The following THSD7A variants were observed in gnomAD, a reference collection of about 807,000 sequenced individuals.
THSD7A encodes the protein thrombospondin type 1 domain containing 7A.
Under a neutral mutation model 231.3 loss-of-function variants are expected in THSD7A, and 96 were observed. The observed-to-expected ratio is 0.41, with a 90% CI of 0.35 to 0.49. The LOEUF is 0.49. THSD7A is among the 20% of genes least tolerant of loss of function. The probability of loss-of-function intolerance (pLI) is 0.05; values close to 1 mark genes in which losing one functional copy is unlikely to be tolerated. For synonymous variants in THSD7A, 940 were observed against 743.3 expected, an observed-to-expected ratio of 1.26 and a Z score of -4.30; for missense variants, 2,290 against 2,070.2, an observed-to-expected ratio of 1.11 and a Z score of -2.06.
intron 6 of THSD7A, among the ~76,000 whole-genome samples, chr7:11,540,973 C>T (rs556276818): frequency 3.9e-4 from 60 of 152,158 alleles, no homozygotes; most frequent in African/African-American, 6.7e-4. Flanking sequence ...CACTAAGACA[C>T]GATATCAGGG....
chr7:11,831,927 C>G lies in THSD7A; in HGVS notation c.20G>C (p.Arg7Pro). 8.1e-7 allele frequency: 1 copy of G among 1,235,408 alleles called. No homozygotes were observed. Among genetic ancestry groups the G allele is most frequent in the South Asian group, 4.0e-5 (1 of 24,692 alleles). The allele number at this position is 1,235,408 out of a possible 1,614,324, so 76.5% of individuals were successfully genotyped here. ...AGCGCCCCGGCTCCCGGACGCCCAGCGCCTGGCTTGCAGCCCCATGCCGCC... is the reference window on the plus strand; with the variant it reads ...AGCGCCCCGGCTCCCGGACGCCCAGGGCCTGGCTTGCAGCCCCATGCCGCC... MGLQAR[R>P]WASGSRGAAG... The change falls in exon 1 of 28, where the codon CGC (arginine) becomes CCC (proline). Residue 7 changes from arginine (R) to proline (P), a missense_variant. Physicochemically the swap from Arg to Pro is moderately radical, Grantham distance 103. Coordinates refer to ENST00000423059, the MANE Select transcript of THSD7A (RefSeq NM_015204.3). The surrounding 1 kb of genome is among the most constrained non-coding windows in gnomAD (Gnocchi z 5.0).
chr7:11,682,105 A>C (rs530774149), intron 1 of THSD7A, among the ~76,000 whole-genome samples: 1 of 152,216 alleles, frequency 6.6e-6, no homozygotes, highest in Non-Finnish European at 1.5e-5. Flanking sequence ...TGCTTAAGGG[A>C]GTTCTAAACA....
At chr7:11,453,354 T>C (rs1785203875) in intron 11 of THSD7A, among the ~76,000 whole-genome samples, 1 of 151,372 alleles carries the variant, frequency 6.6e-6, no homozygotes, top group Admixed American at 6.6e-5. Flanking sequence ...ACTCTCCTTT[T>C]GTAATCTTTT....
At position 11,373,379 on chromosome 7, in the gene THSD7A, CAA is replaced by C. The variant is rs890015510; in HGVS notation, c.*2413_*2414del. On this transcript the variant is annotated 3_prime_UTR_variant, in exon 28 of 28. Coordinates refer to ENST00000423059, the MANE Select transcript of THSD7A (RefSeq NM_015204.3). Reference sequence around the variant, plus strand: ...TTGGACAAATGGAGTTTATTTTATTCAAAGAGATCAACTTTAGGATTATCTGG... The same window carrying C: ...TTGGACAAATGGAGTTTATTTTATTCAGAGATCAACTTTAGGATTATCTGG... 1 of 151,868 alleles carries C rather than the reference CAA, an allele frequency of 6.6e-6. No individual in the cohort carries two copies. The highest frequency in any genetic ancestry group is 1.5e-5 in the Non-Finnish European group (1 of 67,908). The allele number at this position is 151,868 out of a possible 1,614,324, so 9.4% of individuals were successfully genotyped here.
intron 6 of THSD7A, among the ~76,000 whole-genome samples, chr7:11,538,125 T>C (rs954737850): frequency 1.2e-4 from 18 of 152,324 alleles, no homozygotes; most frequent in African/African-American, 4.3e-4. Context: ...GTGAGTTGCC[T>C]ATGCCCATGT....
intron 6 of THSD7A, among the ~76,000 whole-genome samples, chr7:11,512,906 A>G (rs1198750272): frequency 4.2e-5 from 6 of 141,966 alleles, no homozygotes; most frequent in African/African-American, 1.6e-4. Context: ...GTGCACATAT[A>G]CCCTAGAACT....
At chr7:11,477,511 C>T (rs547852204) in intron 7 of THSD7A, among the ~76,000 whole-genome samples, 327 of 152,230 alleles carry the variant, frequency 2.1e-3, no homozygotes, top group Non-Finnish European at 2.9e-3. Context: ...AACTACAATG[C>T]TTTTAATGAG....
intron 6 of THSD7A, among the ~76,000 whole-genome samples, chr7:11,504,843 T>C (rs1036991094): frequency 6.6e-6 from 1 of 151,886 alleles, no homozygotes; most frequent in African/African-American, 2.4e-5. Context: ...TTTTTTTTTA[T>C]TGCATTTATT....
At chr7:11,601,274 G>A (rs1244542468) in intron 2 of THSD7A, among the ~76,000 whole-genome samples, 2 of 152,054 alleles carry the variant, frequency 1.3e-5, no homozygotes, top group African/African-American at 4.8e-5. Context: ...TTTTTGTAGA[G>A]ACTATGACTA....
chr7:11,578,767 A>T (rs147834681), intron 4 of THSD7A, among the ~76,000 whole-genome samples: 3 of 152,222 alleles, frequency 2.0e-5, no homozygotes, highest in Non-Finnish European at 4.4e-5. Flanking sequence ...GGCAGAAAAT[A>T]GAGGAAAAGC....
chr7:11,829,085 T>C (rs1453962164), intron 1 of THSD7A, among the ~76,000 whole-genome samples: 2 of 152,088 alleles, frequency 1.3e-5, no homozygotes, highest in Non-Finnish European at 2.9e-5. Flanking sequence ...ATATAGTATA[T>C]AATACATATA....
intron 1 of THSD7A, among the ~76,000 whole-genome samples, chr7:11,655,122 G>C (rs976293712): frequency 2.0e-5 from 3 of 151,702 alleles, no homozygotes; most frequent in Non-Finnish European, 4.4e-5. Flanking sequence ...TCAACATTAG[G>C]AGCCTATAAT....
At chr7:11,818,938 G>T (rs2128186412) in intron 1 of THSD7A, among the ~76,000 whole-genome samples, 2 of 152,098 alleles carry the variant, frequency 1.3e-5, no homozygotes, top group Middle Eastern at 6.8e-3. Flanking sequence ...ATAAAAAGTG[G>T]AATATGTGCA....
At chr7:11,803,933 A>T (rs1156983099) in intron 1 of THSD7A, among the ~76,000 whole-genome samples, 3 of 152,158 alleles carry the variant, frequency 2.0e-5, no homozygotes, top group African/African-American at 7.2e-5. Flanking sequence ...ATATTAGATT[A>T]ATTAATCTAG....
chr7:11,623,468 T>A lies in THSD7A; in HGVS notation c.1022+12662A>T, dbSNP rs1376882119. Among the ~76,000 whole-genome samples, 5 of 152,036 alleles carry A rather than the reference T, an allele frequency of 3.3e-5. No homozygotes were observed. In the East Asian group the frequency reaches 9.6e-4, roughly 29 times the overall value. On this transcript the variant is annotated intron_variant, in intron 2 of 27. Coordinates refer to ENST00000423059, the MANE Select transcript of THSD7A (RefSeq NM_015204.3). ...AGAAGTCCTCCTTCCTTATTCATCA[T>A]CTAAAAGAAAAAATTGCCATGCCAC...
intron 1 of THSD7A, among the ~76,000 whole-genome samples, chr7:11,765,385 C>A (rs2128169593): frequency 6.6e-6 from 1 of 152,240 alleles, no homozygotes; most frequent in Non-Finnish European, 1.5e-5. Flanking sequence ...ATGAGATATA[C>A]TAGGTGATAT....
intron 1 of THSD7A, among the ~76,000 whole-genome samples, chr7:11,702,744 T>C (rs1437688436): frequency 1.3e-5 from 2 of 151,202 alleles, no homozygotes; most frequent in Non-Finnish European, 3.0e-5. Context: ...CTTTCATCCT[T>C]AAATGAGGAT....
intron 4 of THSD7A, among the ~76,000 whole-genome samples, chr7:11,588,701 A>AAGAG (rs1780021814): frequency 2.0e-5 from 3 of 152,338 alleles, no homozygotes; most frequent in East Asian, 3.9e-4. Context: ...AATAACCTAC[A>AAGAG]GGACATAATT....
intron 1 of THSD7A, among the ~76,000 whole-genome samples, chr7:11,828,689 A>G (rs1316683297): frequency 6.6e-6 from 1 of 151,918 alleles, no homozygotes; most frequent in African/African-American, 2.4e-5. Flanking sequence ...CTCCTCAAAA[A>G]CTCTTTGTTG....
Sources: gnomAD v4.1 joint callset for allele counts (sites outside exome capture counted in the v4.1 genomes callset) on GRCh38, gnomAD v4.1.1 for gene constraint, Gnocchi (gnomAD v3.1) non-coding constraint, MANE v1.5 for transcripts, NCBI Gene and HGNC (gene_info 2026-07-23, HGNC 2026-07-21) for gene names.